The following DIPK1A variants were observed in gnomAD, a reference collection of about 807,000 sequenced individuals.
The protein encoded by DIPK1A is divergent protein kinase domain 1A.
Under a neutral mutation model 40.8 loss-of-function variants are expected in DIPK1A, and 27 were observed. The observed-to-expected ratio is 0.66, with a 90% confidence interval of 0.49 to 0.91. DIPK1A has a LOEUF of 0.91. Among genes scored for constraint, DIPK1A ranks in the 40% least tolerant of loss-of-function variants. DIPK1A has a pLI of 0.00. For synonymous variants in DIPK1A, 166 were observed against 171.3 expected (o/e 0.97, Z 0.24); for missense variants, 412 against 505.7 (o/e 0.81, Z 1.78).
chr1:92,893,832 A>C lies in DIPK1A; in HGVS notation c.55-17402T>G, dbSNP rs567715716. Among the ~76,000 whole-genome samples the C allele has an allele frequency of 1.9e-3, 286 of 152,130 alleles. 1 individual carries two copies. The highest frequency in any genetic ancestry group is 6.0e-3 in the African/African-American group (250 of 41,406). ...GATCTACCAAGCAAATGGAAAATAAAAAAAGGCAGGGGTTGCAATCCTAGT... is the reference window on the plus strand; with the variant it reads ...GATCTACCAAGCAAATGGAAAATAACAAAAGGCAGGGGTTGCAATCCTAGT... On this transcript the variant is annotated intron_variant, in intron 1 of 4. Coordinates refer to ENST00000370310, the MANE Select transcript of DIPK1A (RefSeq NM_001006605.5).
At chr1:92,931,526 A>G in intron 1 of DIPK1A, 1 of 156,364 alleles carries the variant, frequency 6.4e-6, no homozygotes. Flanking sequence ...CCAGGAGTTC[A>G]AGATCAATCT....
At chr1:92,873,589 C>A (rs1263698295) in intron 2 of DIPK1A, among the ~76,000 whole-genome samples, 5 of 147,726 alleles carry the variant, frequency 3.4e-5, no homozygotes, top group African/African-American at 1.3e-4. Context: ...CACTGCAGCC[C>A]GGGTGACAGA....
At chr1:92,887,992 C>A (rs534964191) in intron 1 of DIPK1A, among the ~76,000 whole-genome samples, 1 of 151,716 alleles carries the variant, frequency 6.6e-6, no homozygotes, top group East Asian at 1.9e-4. Flanking sequence ...GAACACTATT[C>A]TTTTTTTACC....
chr1:92,914,214 A>G (rs983747682), intron 1 of DIPK1A, among the ~76,000 whole-genome samples: 4 of 151,574 alleles, frequency 2.6e-5, no homozygotes. Context: ...CATCTGTCAG[A>G]TGAATTGGAT....
At chr1:92,950,629 G>C (rs1479651571) in intron 1 of DIPK1A, among the ~76,000 whole-genome samples, 1 of 152,204 alleles carries the variant, frequency 6.6e-6, no homozygotes, top group African/African-American at 2.4e-5. Context: ...AGGATAGCTT[G>C]CTTGAGCCTG....
At chr1:92,883,813 C>T (rs1481237547) in intron 1 of DIPK1A, among the ~76,000 whole-genome samples, 1 of 152,096 alleles carries the variant, frequency 6.6e-6, no homozygotes, top group Non-Finnish European at 1.5e-5. Context: ...CACATAAGGG[C>T]ATGACTACTA....
At chr1:92,834,772 A>C in intron 4 of DIPK1A, 1 of 1,612,770 alleles carries the variant, frequency 6.2e-7, no homozygotes, top group South Asian at 1.1e-5. Context: ...TTTCTCTCTT[A>C]CTATAGATTG....
intron 1 of DIPK1A, among the ~76,000 whole-genome samples, chr1:92,877,407 G>A (rs576184082): frequency 2.6e-5 from 4 of 152,302 alleles, no homozygotes; most frequent in East Asian, 1.9e-4. Context: ...TTACAATCAC[G>A]AGCCAGTTTC....
At chr1:92,959,340 G>T (rs946088377) in intron 1 of DIPK1A, among the ~76,000 whole-genome samples, 2 of 152,048 alleles carry the variant, frequency 1.3e-5, no homozygotes, top group East Asian at 1.9e-4. Flanking sequence ...AAGAGGGAGT[G>T]GGGGAGGTGA....
intron 1 of DIPK1A, among the ~76,000 whole-genome samples, chr1:92,888,135 C>G (rs1326492932): frequency 1.3e-5 from 2 of 152,032 alleles, no homozygotes; most frequent in Non-Finnish European, 2.9e-5. Flanking sequence ...ACTTACTTCT[C>G]CTATCTAGCT....
intron 2 of DIPK1A, among the ~76,000 whole-genome samples, chr1:92,863,570 C>CTA (rs1647382874): frequency 8.4e-5 from 1 of 11,976 alleles, no homozygotes; most frequent in Non-Finnish European, 2.2e-4. Context: ...CCTGTCTCTA[C>CTA]CAAAAAAAAA....
At chr1:92,942,672 A>G (rs1229286973) in intron 1 of DIPK1A, among the ~76,000 whole-genome samples, 2 of 151,792 alleles carry the variant, frequency 1.3e-5, no homozygotes, top group East Asian at 3.9e-4. Flanking sequence ...ATTTTTATTT[A>G]TTTTTGAGAC....
chr1:92,907,226 T>G (rs1212079129), intron 1 of DIPK1A, among the ~76,000 whole-genome samples: 1 of 152,122 alleles, frequency 6.6e-6, no homozygotes, highest in African/African-American at 2.4e-5. Flanking sequence ...GTCCTATATT[T>G]TAGAACAGCC....
chr1:92,947,612 A>G (rs1009099709), intron 1 of DIPK1A, among the ~76,000 whole-genome samples: 1 of 152,274 alleles, frequency 6.6e-6, no homozygotes, highest in African/African-American at 2.4e-5. Context: ...TCCAAAGGAA[A>G]GGAAATCAGT....
chr1:92,868,159 T>C (rs1647653670), intron 2 of DIPK1A, among the ~76,000 whole-genome samples: 1 of 152,102 alleles, frequency 6.6e-6, no homozygotes, highest in Non-Finnish European at 1.5e-5. Flanking sequence ...AGCAAGCCAA[T>C]GAAATAAAAT....
chr1:92,953,913 T>C (rs1651738578), intron 1 of DIPK1A, among the ~76,000 whole-genome samples: 1 of 152,028 alleles, frequency 6.6e-6, no homozygotes, highest in Non-Finnish European at 1.5e-5. Flanking sequence ...TTGACCATAA[T>C]TTAAAAAAAC....
chr1:92,850,509 T>C (rs1687785231), intron 3 of DIPK1A, among the ~76,000 whole-genome samples: 1 of 151,994 alleles, frequency 6.6e-6, no homozygotes, highest in Admixed American at 6.6e-5. Flanking sequence ...GGCGGGACTC[T>C]GTTTCTACAA....
At chr1:92,855,738 T>G (rs1005845987) in intron 2 of DIPK1A, among the ~76,000 whole-genome samples, 1 of 150,038 alleles carries the variant, frequency 6.7e-6, no homozygotes, top group African/African-American at 2.5e-5. Flanking sequence ...GAAAATAAAC[T>G]CTCAAAATAA....
chr1:92,923,881 G>GAAACA (rs941931136), intron 1 of DIPK1A, among the ~76,000 whole-genome samples: 4 of 151,274 alleles, frequency 2.6e-5, no homozygotes, highest in Non-Finnish European at 4.4e-5. Flanking sequence ...GGAATATTTC[G>GAAACA]AAACAAAACA....
Sources: gnomAD v4.1 joint callset for allele counts (sites outside exome capture counted in the v4.1 genomes callset) on GRCh38, gnomAD v4.1.1 for gene constraint, MANE v1.5 for transcripts, NCBI Gene and HGNC (gene_info 2026-07-23, HGNC 2026-07-21) for gene names.